Variants in AOPEP observed in about 807,000 individuals in gnomAD.
AOPEP encodes the protein aminopeptidase O (putative).
A neutral mutation model predicts 98.1 loss-of-function variants in AOPEP; 77 were observed. The ratio of observed to expected loss-of-function variants is 0.78; its 90% CI spans 0.65 to 0.95. The LOEUF is 0.95. Among genes scored for constraint, AOPEP ranks in the 40% least tolerant of loss-of-function variants. The pLI is 0.00. For synonymous variants in AOPEP, 346 were observed against 365.3 expected (o/e 0.95, Z 0.60); for missense variants, 1,024 against 1,024.7 (o/e 1.00, Z 0.01).
At chr9:94,933,436 C>T in intron 7 of AOPEP, 1 of 985,442 alleles carries the variant, frequency 1.0e-6, no homozygotes, top group Non-Finnish European at 1.2e-6. Context: ...CAAGCTCCTG[C>T]TGAGGAAAAC....
chr9:94,776,699 A>T (rs903646240), intron 3 of AOPEP, among the ~76,000 whole-genome samples: 1 of 152,204 alleles, frequency 6.6e-6, no homozygotes, highest in South Asian at 2.1e-4. Flanking sequence ...AAGGAATTGG[A>T]TGGGTATTTA....
the AOPEP span, among the ~76,000 whole-genome samples, chr9:95,140,882 A>G: frequency 6.6e-6 from 1 of 152,124 alleles, no homozygotes; most frequent in South Asian, 2.1e-4. Flanking sequence ...GGCAGCCACC[A>G]ACAAGCAGAA....
rs145777811 is a variant in AOPEP at position 94,972,642 on chromosome 9, C to A, written c.1916+4841C>A. On this transcript the variant is annotated intron_variant, in intron 10 of 16. Coordinates refer to ENST00000375315, the MANE Select transcript of AOPEP (RefSeq NM_001193329.3). This position sits in a 1 kb window ranked among gnomAD's most constrained non-coding sequence, Gnocchi z 4.2. ...CCCAAGCACAAATGAATGTTTTGAT[C>A]AAGAAAATAAATCAGCTGGGCACCG... 1.3e-5 allele frequency among the ~76,000 whole-genome samples: 2 copies of A among 152,202 alleles called. No individual in the cohort carries two copies. Among genetic ancestry groups the A allele is most frequent in the Admixed American group, 1.3e-4 (2 of 15,286 alleles).
chr9:95,130,783 G>A, the AOPEP span, among the ~76,000 whole-genome samples: 2 of 152,224 alleles, frequency 1.3e-5, no homozygotes, highest in African/African-American at 4.8e-5. Flanking sequence ...TTCTTAAAAA[G>A]AAGATTCTCC....
intron 5 of AOPEP, among the ~76,000 whole-genome samples, chr9:94,878,912 G>C (rs1390432505): frequency 6.6e-6 from 1 of 152,220 alleles, no homozygotes; most frequent in African/African-American, 2.4e-5. Flanking sequence ...CTTTGTGGGA[G>C]ACCGGAGTTT....
intron 14 of AOPEP, among the ~76,000 whole-genome samples, chr9:95,069,380 T>G: frequency 6.6e-6 from 1 of 151,950 alleles, no homozygotes. Context: ...GCAAAGGCTG[T>G]GAGTTACATG....
chr9:95,011,251 C>T (rs1164406711), intron 13 of AOPEP, among the ~76,000 whole-genome samples: 1 of 147,128 alleles, frequency 6.8e-6, no homozygotes, highest in Non-Finnish European at 1.5e-5. Flanking sequence ...AAGTCTCACT[C>T]TGTCCCCCAG....
chr9:94,837,779 C>T (rs1355825671), intron 5 of AOPEP, among the ~76,000 whole-genome samples: 2 of 152,166 alleles, frequency 1.3e-5, no homozygotes, highest in Non-Finnish European at 2.9e-5. Context: ...TAAAAGCCAT[C>T]TATGACAAAC....
intron 13 of AOPEP, among the ~76,000 whole-genome samples, chr9:95,029,698 C>G (rs1486787336): frequency 6.6e-6 from 1 of 152,160 alleles, no homozygotes; most frequent in African/African-American, 2.4e-5. Context: ...TCTCCAGCAG[C>G]TTATCAGGGG....
chr9:94,803,384 A>G (rs1360983813), intron 5 of AOPEP, among the ~76,000 whole-genome samples: 1 of 152,200 alleles, frequency 6.6e-6, no homozygotes, highest in East Asian at 1.9e-4. Flanking sequence ...ACATTCCCTC[A>G]TGAACTAAAA....
intron 7 of AOPEP, among the ~76,000 whole-genome samples, chr9:94,942,761 T>A (rs1255769441): frequency 1.3e-5 from 2 of 152,174 alleles, no homozygotes; most frequent in African/African-American, 4.8e-5. Context: ...GTTAGCTGTA[T>A]TTCCATACAC....
At chr9:94,964,103 G>A (rs1008130755) in intron 9 of AOPEP, among the ~76,000 whole-genome samples, 4 of 152,160 alleles carry the variant, frequency 2.6e-5, no homozygotes, top group African/African-American at 9.7e-5. Context: ...AATATCGAAC[G>A]CTATAGAAAG....
chr9:94,894,614 G>T (rs1409788469), intron 5 of AOPEP, among the ~76,000 whole-genome samples: 1 of 152,136 alleles, frequency 6.6e-6, no homozygotes, highest in Non-Finnish European at 1.5e-5. Context: ...TTTCATAAGT[G>T]AATTTGCTCA....
At chr9:94,819,946 C>CTT (rs11423201) in intron 5 of AOPEP, among the ~76,000 whole-genome samples, 2,378 of 121,504 alleles carry the variant, frequency 0.02, 110 homozygotes, top group East Asian at 0.096. Flanking sequence ...TAGTGCAATT[C>CTT]TTTTTTTTTT....
At chr9:94,823,620 T>TA (rs1377662308) in intron 5 of AOPEP, among the ~76,000 whole-genome samples, 1 of 152,166 alleles carries the variant, frequency 6.6e-6, no homozygotes, top group Non-Finnish European at 1.5e-5. Flanking sequence ...CCTTCACACT[T>TA]ACCTTGGCTC....
At chr9:95,127,801 A>G in the AOPEP span, among the ~76,000 whole-genome samples, 1 of 152,200 alleles carries the variant, frequency 6.6e-6, no homozygotes, top group Non-Finnish European at 1.5e-5. Flanking sequence ...CCCCGATGAC[A>G]TTGAGCCCGC....
the AOPEP span, among the ~76,000 whole-genome samples, chr9:95,139,345 T>C: frequency 6.0e-4 from 92 of 152,268 alleles, 1 homozygote; most frequent in East Asian, 0.016. Flanking sequence ...AGGCACTGGC[T>C]TCACATGGCC....
chr9:94,999,431 AAAC>A (rs1351274309), intron 11 of AOPEP, among the ~76,000 whole-genome samples: 1 of 152,196 alleles, frequency 6.6e-6, no homozygotes, highest in Non-Finnish European at 1.5e-5. Flanking sequence ...CAAGAAGTAA[AAAC>A]AAAAAAGCTG....
chr9:95,130,867 C>A, the AOPEP span, among the ~76,000 whole-genome samples: 1 of 152,208 alleles, frequency 6.6e-6, no homozygotes, highest in African/African-American at 2.4e-5. Flanking sequence ...CCTATTTATA[C>A]AAAACCTTCA....
Sources: allele counts gnomAD v4.1 joint callset (sites outside exome capture counted in the v4.1 genomes callset), GRCh38; gene constraint gnomAD v4.1.1; non-coding constraint Gnocchi (gnomAD v3.1); transcripts MANE v1.5; gene names NCBI Gene and HGNC (gene_info 2026-07-23, HGNC 2026-07-21).